Variants in AKAP8 observed in about 807,000 individuals in gnomAD.
AKAP8 encodes A-kinase anchor protein 8.
A neutral mutation model predicts 67.5 loss-of-function variants in AKAP8; 24 were observed. That is an observed-to-expected ratio of 0.36 (90% CI 0.26 to 0.50). The LOEUF (loss-of-function observed/expected upper bound fraction) is 0.50, where lower values mean the gene tolerates loss of function less well. Among genes scored for constraint, AKAP8 ranks in the 20% least tolerant of loss-of-function variants. AKAP8 has a pLI of 0.97. For synonymous variants in AKAP8, 400 were observed against 371.1 expected, an observed-to-expected ratio of 1.08 and a Z score of -0.90; for missense variants, 971 against 955.9, an observed-to-expected ratio of 1.02 and a Z score of -0.21.
intron 7 of AKAP8, among the ~76,000 whole-genome samples, chr19:15,371,191 C>T (rs1435036143): frequency 2.0e-5 from 3 of 152,188 alleles, no homozygotes; most frequent in South Asian, 2.1e-4. Context: ...TCTGGACCTC[C>T]AGGCCCTACA....
At chr19:15,368,927 A>C (rs569460995) in intron 8 of AKAP8, 58 of 985,968 alleles carry the variant, frequency 5.9e-5, no homozygotes, top group Non-Finnish European at 6.9e-5. Context: ...AAATTTGGGA[A>C]GAGACCAATT....
At chr19:15,375,802 AATTT>A (rs1451004203) in intron 2 of AKAP8, among the ~76,000 whole-genome samples, 6 of 151,882 alleles carry the variant, frequency 4.0e-5, no homozygotes, top group African/African-American at 1.5e-4. Flanking sequence ...GCGCCCGGCT[AATTT>A]TTTTTGTATT....
rs1599566518 is a variant in AKAP8, at chr19:15,369,222, G to C, written c.1073-900C>G. 3.7e-5 allele frequency: 36 copies of C among 985,510 alleles called. No individual in the cohort carries two copies. Among genetic ancestry groups the C allele is most frequent in the Non-Finnish European group, 4.3e-5 (36 of 829,980 alleles). The allele number at this position is 985,510 out of a possible 1,614,324, so 61.0% of individuals were successfully genotyped here. A position where few individuals can be genotyped will look rare whatever the true frequency, so the allele number is the denominator to read the frequency against. ...CAAAGTCATCCCGGGTAGGTAGCAG[G>C]ACCTGCGCGCAACAGACATGTCACC... On this transcript the variant is annotated intron_variant, in intron 8 of 13. Transcript: ENST00000269701. This position sits in a 1 kb window ranked among gnomAD's most constrained non-coding sequence, Gnocchi z 4.6.
In AKAP8 at chr19:15,364,144, AT is replaced by A. The variant is rs1401690556; in HGVS notation, c.1161-1894del. On this transcript the variant is annotated intron_variant, in intron 9 of 13. Transcript: ENST00000269701. ...AAAAAAAGAAACAGGATTTTCAGTAATTTTTTTTCTTTCCTTTTTTTTTTTT... is the reference window on the plus strand; with the variant it reads ...AAAAAAAGAAACAGGATTTTCAGTAATTTTTTTCTTTCCTTTTTTTTTTTT... 3.3e-3 allele frequency among the ~76,000 whole-genome samples: 392 copies of A among 117,826 alleles called. 7 individuals carry two copies. Among genetic ancestry groups the A allele is most frequent in the African/African-American group, 0.012 (369 of 31,622 alleles). 77.3% of individuals were successfully genotyped at this position (117,826 alleles called of 152,430 possible). A position where few individuals can be genotyped will look rare whatever the true frequency, so the allele number is the denominator to read the frequency against.
In AKAP8 at chr19:15,353,470, G is replaced by A. The variant is rs1273376085; in HGVS notation, c.*1445C>T. 2 of 150,620 alleles carry A rather than the reference G, an allele frequency of 1.3e-5. No individual in the cohort carries two copies. Among genetic ancestry groups the A allele is most frequent in the Non-Finnish European group, 3.0e-5 (2 of 67,750 alleles). 9.3% of individuals were successfully genotyped at this position (150,620 alleles called of 1,614,324 possible). ...GGCATGCTCACCCTGCGATTAAGAC[G>A]CATCTACACAACACAAACGGATGCT... On this transcript the variant is annotated 3_prime_UTR_variant, in exon 14 of 14. Transcript: ENST00000269701.
intron 6 of AKAP8, 77 bp downstream of exon 6, chr19:15,372,141 G>A: frequency 6.2e-7 from 1 of 1,608,038 alleles, no homozygotes; most frequent in East Asian, 2.2e-5. Flanking sequence ...CCACGACACA[G>A]ATGGGGCAAG....
Position 15,355,055 on chromosome 19 carries a change from C to T in AKAP8, c.1939G>A (p.Ala647Thr), listed in dbSNP as rs1568422012. ...GTCTCGGCGCCATTTCCAGCCTCTGCAGCCTCACTTCTGGCCTTGGGGACG... is the reference window on the plus strand; with the variant it reads ...GTCTCGGCGCCATTTCCAGCCTCTGTAGCCTCACTTCTGGCCTTGGGGACG... ...KGVPKARSEA[A>T]EAGNGAETMA... is the part of the protein sequence containing the mutation. The change falls in exon 14 of 14, where the codon GCA becomes ACA. Residue 647 changes from alanine to threonine, a missense_variant. This residue lies in a region of AKAP8 where 204 missense variants were observed against 193.0 expected (regional missense o/e 1.06). Transcript: ENST00000269701. 6.2e-7 allele frequency: 1 copy of T among 1,614,154 alleles called. No homozygotes were observed. Among genetic ancestry groups the T allele is most frequent in the Non-Finnish European group, 8.5e-7 (1 of 1,180,048 alleles).
At chr19:15,373,478 CA>C in intron 4 of AKAP8, 138 bp from the exon 5 acceptor site, 1 of 1,286,260 alleles carries the variant, frequency 7.8e-7, no homozygotes. Context: ...CTGGGATGAC[CA>C]AAACTGACCA....
intron 9 of AKAP8, among the ~76,000 whole-genome samples, chr19:15,367,306 G>A (rs957535370): frequency 6.6e-6 from 1 of 152,166 alleles, no homozygotes; most frequent in African/African-American, 2.4e-5. Flanking sequence ...AAGGCGGGCA[G>A]ATCACAAGAT....
intron 9 of AKAP8, among the ~76,000 whole-genome samples, chr19:15,365,445 G>T (rs1186231091): frequency 6.6e-6 from 1 of 152,212 alleles, no homozygotes; most frequent in East Asian, 1.9e-4. Flanking sequence ...ACACTGGGGT[G>T]CTCCCTCCCT....
chr19:15,369,286 C>T lies in AKAP8; in HGVS notation c.1072+860G>A. On this transcript the variant is annotated intron_variant, in intron 8 of 13. Coordinates refer to ENST00000269701, the MANE Select transcript of AKAP8 (RefSeq NM_005858.4). The surrounding 1 kb of genome is among the most constrained non-coding windows in gnomAD (Gnocchi z 4.6). ...TGTGCCGCTAAGCGCTCGGGGCGCC[C>T]CGTGCTATGGACAGGACTGCTGCGG... 1 of 985,016 alleles carries T rather than the reference C, an allele frequency of 1.0e-6. No homozygotes were observed. Among genetic ancestry groups the T allele is most frequent in the Non-Finnish European group, 1.2e-6 (1 of 829,516 alleles). 61.0% of individuals were successfully genotyped at this position (985,016 alleles called of 1,614,324 possible). A position where few individuals can be genotyped will look rare whatever the true frequency, so the allele number is the denominator to read the frequency against.
In AKAP8 at chr19:15,372,226, G is replaced by A. The variant is rs1010872048; in HGVS notation, c.983C>T (p.Ser328Phe). The part of the protein sequence containing the change: ...LARVDSEGDF[S>F]ENDDAAGDFR... ...TGGCCCCCAGGACATACCATTTTCG[G>A]AGAAATCTCCTTCACTGTCAACCCG... The change falls in exon 6 of 14, where the codon TCC becomes TTC. Residue 328 changes from serine to phenylalanine, a missense_variant. Physicochemically the swap from Ser to Phe is radical, Grantham distance 155 (BLOSUM62 -2). This residue lies in a region of AKAP8 where 763 missense variants were observed against 745.4 expected (regional missense o/e 1.02). Transcript: ENST00000269701. 1.2e-6 allele frequency: 2 copies of A among 1,614,180 alleles called. No individual in the cohort carries two copies. Among genetic ancestry groups the A allele is most frequent in the Non-Finnish European group, 1.7e-6 (2 of 1,180,032 alleles).
In AKAP8 at chr19:15,368,228, G is replaced by A. The variant is rs199996613; in HGVS notation, c.1160+7C>T. On this transcript the variant is annotated splice_region_variant and intron_variant, in intron 9 of 13. Transcript: ENST00000269701. ...TCCTCCTGTGGGGTCGTGTGCCCGC[G>A]CCTCACCTGTCGGCTGCACGGTCCC... 1.6e-3 allele frequency: 2,537 copies of A among 1,611,090 alleles called. 1 individual carries two copies. Among genetic ancestry groups the A allele is most frequent in the Non-Finnish European group, 2.0e-3 (2,312 of 1,179,848 alleles).
chr19:15,378,314 C>T (rs755650445), intron 1 of AKAP8, among the ~76,000 whole-genome samples: 1 of 152,158 alleles, frequency 6.6e-6, no homozygotes, highest in Non-Finnish European at 1.5e-5. Flanking sequence ...GAGACTGCTT[C>T]TCTGTGAAGC....
At chr19:15,375,730 G>A (rs1040817403) in intron 2 of AKAP8, among the ~76,000 whole-genome samples, 2 of 150,270 alleles carry the variant, frequency 1.3e-5, no homozygotes, top group African/African-American at 4.9e-5. Flanking sequence ...TCCACCTCCT[G>A]GGTTCACGCC....
At chr19:15,377,383 C>A (rs1324464893) in intron 1 of AKAP8, among the ~76,000 whole-genome samples, 1 of 152,232 alleles carries the variant, frequency 6.6e-6, no homozygotes, top group African/African-American at 2.4e-5. Context: ...GAAACCAGTT[C>A]AGAGTGCCAT....
Sources: allele counts gnomAD v4.1 joint callset (sites outside exome capture counted in the v4.1 genomes callset), GRCh38; gene constraint gnomAD v4.1.1; regional missense constraint gnomAD v4.1.1; non-coding constraint Gnocchi (gnomAD v3.1); transcripts MANE v1.5; gene names NCBI Gene and HGNC (gene_info 2026-07-23, HGNC 2026-07-21).